UTRN: variants seen among roughly 807,000 people sequenced by gnomAD.
The protein encoded by UTRN is dystrophin-related protein 1.
A neutral mutation model predicts 463.9 loss-of-function variants in UTRN; 283 were observed. That is an observed-to-expected ratio of 0.61 (90% CI 0.55 to 0.67). The LOEUF is 0.67. UTRN is among the 30% of genes least tolerant of loss of function. The pLI, the probability that UTRN is intolerant of heterozygous loss-of-function variation, is 0.00. For synonymous variants in UTRN, 1,442 were observed against 1,431.5 expected (o/e 1.01, Z -0.17); for missense variants, 3,922 against 4,084.3 (o/e 0.96, Z 1.08).
At chr6:144,529,065 C>T (rs1434640517) in intron 41 of UTRN, among the ~76,000 whole-genome samples, 3 of 152,146 alleles carry the variant, frequency 2.0e-5, no homozygotes, top group Non-Finnish European at 4.4e-5. Flanking sequence ...ACACAGGTTG[C>T]CAGGGAAGTG....
Position 144,747,698 on chromosome 6 carries a change from G to A in UTRN, c.7940-548G>A, listed in dbSNP as rs116323301. On this transcript the variant is annotated intron_variant, in intron 54 of 74. Coordinates refer to ENST00000367545, the MANE Select transcript of UTRN (RefSeq NM_007124.3). ...AAAATGTCTGTGGGCTGCAGATGAT[G>A]CCCTTTATTAAAACTAAACTGCTAA... Among the ~76,000 whole-genome samples, 399 of 152,280 alleles carry A rather than the reference G, an allele frequency of 2.6e-3. 4 individuals carry two copies. Among genetic ancestry groups the A allele is most frequent in the African/African-American group, 9.0e-3 (376 of 41,554 alleles).
chr6:144,301,238 T>C (rs1000825359), intron 2 of UTRN, among the ~76,000 whole-genome samples: 1 of 152,248 alleles, frequency 6.6e-6, no homozygotes, highest in African/African-American at 2.4e-5. Context: ...CTTAATTATA[T>C]ATTAACTCCC....
intron 41 of UTRN, among the ~76,000 whole-genome samples, chr6:144,526,378 A>G (rs897910400): frequency 6.6e-6 from 1 of 152,196 alleles, no homozygotes; most frequent in Non-Finnish European, 1.5e-5. Context: ...TGTTAGGTGC[A>G]TATATATTTA....
intron 51 of UTRN, among the ~76,000 whole-genome samples, chr6:144,631,120 G>A (rs967495180): frequency 1.3e-5 from 2 of 152,070 alleles, no homozygotes; most frequent in African/African-American, 4.8e-5. Flanking sequence ...CCTGCTAAGT[G>A]ATATTCCCTT....
chr6:144,661,425 C>T (rs1363334548), intron 51 of UTRN, among the ~76,000 whole-genome samples: 1 of 152,156 alleles, frequency 6.6e-6, no homozygotes, highest in Admixed American at 6.5e-5. Flanking sequence ...TCTCTCTGCA[C>T]CTCTACTGTA....
chr6:144,569,354 T>C (rs1368793182), intron 50 of UTRN, among the ~76,000 whole-genome samples: 4 of 152,050 alleles, frequency 2.6e-5, no homozygotes, highest in Non-Finnish European at 1.5e-5. Flanking sequence ...AAGTTTATGA[T>C]AAAAATTTGA....
intron 51 of UTRN, among the ~76,000 whole-genome samples, chr6:144,603,856 TTTAA>T (rs1387361548): frequency 1.3e-5 from 2 of 152,230 alleles, no homozygotes; most frequent in African/African-American, 4.8e-5. Flanking sequence ...ACTTTTATAT[TTTAA>T]TTAATTCAGA....
chr6:144,364,358 C>T (rs181705205), intron 2 of UTRN, among the ~76,000 whole-genome samples: 113 of 152,174 alleles, frequency 7.4e-4, no homozygotes, highest in Non-Finnish European at 1.3e-3. Flanking sequence ...CTTATGTTTC[C>T]CCCTGAGAGG....
In UTRN at chr6:144,577,083, A is replaced by C. The variant is rs373635288; in HGVS notation, c.7290-16A>C. Reference sequence around the variant, plus strand: ...CTGTAAGTAATGGAGCCGTGCTGTCATATTGTTACTTTCAGTATTGCTGAC... The same window carrying C: ...CTGTAAGTAATGGAGCCGTGCTGTCCTATTGTTACTTTCAGTATTGCTGAC... On this transcript the variant is annotated splice_polypyrimidine_tract_variant and intron_variant, in intron 50 of 74. Coordinates refer to ENST00000367545, the MANE Select transcript of UTRN (RefSeq NM_007124.3). 1.2e-6 allele frequency: 2 copies of C among 1,611,290 alleles called. No homozygotes were observed. Among genetic ancestry groups the C allele is most frequent in the Non-Finnish European group, 1.7e-6 (2 of 1,178,048 alleles).
chr6:144,838,865 A>G (rs952642401), intron 71 of UTRN, among the ~76,000 whole-genome samples: 1 of 152,222 alleles, frequency 6.6e-6, no homozygotes, highest in African/African-American at 2.4e-5. Context: ...GCTGATGTTT[A>G]AAATATGAGT....
chr6:144,372,335 A>G (rs1342377160), intron 2 of UTRN, among the ~76,000 whole-genome samples: 1 of 152,220 alleles, frequency 6.6e-6, no homozygotes, highest in Non-Finnish European at 1.5e-5. Flanking sequence ...CATCTGTTAA[A>G]TGGGATAGTA....
At chr6:144,330,315 G>T (rs1776247521) in intron 2 of UTRN, among the ~76,000 whole-genome samples, 1 of 152,152 alleles carries the variant, frequency 6.6e-6, no homozygotes, top group East Asian at 1.9e-4. Flanking sequence ...TCACTCAGTA[G>T]TATTTCTTAT....
At chr6:144,787,683 A>G (rs1181577528) in intron 61 of UTRN, among the ~76,000 whole-genome samples, 2 of 152,184 alleles carry the variant, frequency 1.3e-5, no homozygotes, top group Non-Finnish European at 2.9e-5. Flanking sequence ...CAATAAAATC[A>G]ATGATTAAAT....
chr6:144,579,736 TATA>T (rs1443572291), intron 51 of UTRN, among the ~76,000 whole-genome samples: 3 of 152,210 alleles, frequency 2.0e-5, no homozygotes, highest in African/African-American at 7.2e-5. Context: ...CTTTATAAAA[TATA>T]ATACATTATT....
intron 53 of UTRN, among the ~76,000 whole-genome samples, chr6:144,720,900 C>A (rs1051265695): frequency 1.3e-5 from 2 of 152,288 alleles, no homozygotes; most frequent in South Asian, 4.1e-4. Flanking sequence ...CCCCTTTATA[C>A]TATAAGTTTC....
chr6:144,292,732 A>G (rs1322799196), intron 2 of UTRN, among the ~76,000 whole-genome samples: 1 of 152,214 alleles, frequency 6.6e-6, no homozygotes, highest in Non-Finnish European at 1.5e-5. Context: ...CACTATACTT[A>G]AGTAACTTTG....
intron 66 of UTRN, among the ~76,000 whole-genome samples, chr6:144,826,134 A>C (rs1345375656): frequency 6.7e-6 from 1 of 149,590 alleles, no homozygotes; most frequent in Non-Finnish European, 1.5e-5. Context: ...GTACCCTAAA[A>C]CTTAAAGTAT....
chr6:144,484,443 T>TTTTTTTTTTTTTTTTTG (rs1792217432), intron 27 of UTRN, among the ~76,000 whole-genome samples: 1 of 140,060 alleles, frequency 7.1e-6, no homozygotes, highest in East Asian at 2.1e-4. Context: ...TTTTTTTTTT[T>TTTTTTTTTTTTTTTTTG]TTTTTTTTTT....
At position 144,440,271 on chromosome 6, in the gene UTRN, A is replaced by C. The variant is rs199804409; in HGVS notation, c.1393-81A>C. The C allele has an allele frequency of 7.7e-4, 1,105 of 1,437,560 alleles. 73 individuals carry two copies. The highest frequency in any genetic ancestry group is 2.0e-3 in the South Asian group (157 of 79,598). 89.1% of individuals were successfully genotyped at this position (1,437,560 alleles called of 1,614,324 possible). On this transcript the variant is annotated intron_variant, in intron 12 of 74. Coordinates refer to ENST00000367545, the MANE Select transcript of UTRN (RefSeq NM_007124.3). The stretch of plus-strand genomic sequence containing the variant: ...TATGATGCCTCATTAACTGTCCTTA[A>C]TTACTATTGACAACTGAGTGCGTTT...
Sources: gnomAD v4.1 joint callset for allele counts (sites outside exome capture counted in the v4.1 genomes callset) on GRCh38, gnomAD v4.1.1 for gene constraint, MANE v1.5 for transcripts, NCBI Gene and HGNC (gene_info 2026-07-23, HGNC 2026-07-21) for gene names.